Variants in C2CD3 observed in about 807,000 individuals in gnomAD.
The protein encoded by C2CD3 is C2 domain-containing protein 3.
In C2CD3, 148 loss-of-function variants were observed where a neutral mutation model predicts 234.0. That is an observed-to-expected ratio of 0.63 (90% CI 0.55 to 0.72). The LOEUF is 0.72. Among genes scored for constraint, C2CD3 ranks in the 30% least tolerant of loss-of-function variants. The pLI, the probability that C2CD3 is intolerant of heterozygous loss-of-function variation, is 0.00. For synonymous variants in C2CD3, 1,000 were observed against 1,035.4 expected, an observed-to-expected ratio of 0.97 and a Z score of 0.66; for missense variants, 2,577 against 2,811.5, an observed-to-expected ratio of 0.92 and a Z score of 1.89.
At chr11:74,040,692 G>A (rs1010132226) in intron 29 of C2CD3, among the ~76,000 whole-genome samples, 2 of 152,006 alleles carry the variant, frequency 1.3e-5, no homozygotes, top group African/African-American at 4.8e-5. Flanking sequence ...GGAGGCAGAG[G>A]CTGCAGTGAG....
At position 74,107,322 on chromosome 11, in the gene C2CD3, T is replaced by TCACACACA. The variant is rs142285119; in HGVS notation, c.1963-837_1963-830dup. 3.1e-3 allele frequency among the ~76,000 whole-genome samples: 457 copies of TCACACACA among 146,620 alleles called. 3 individuals are homozygous for TCACACACA. The highest frequency in any genetic ancestry group is 0.025 in the Middle Eastern group (7 of 282). ...CCTGGGCAACAAGAATGAAACTGTGTCACACACACACACACACACACACAC... is the reference window on the plus strand; with the variant it reads ...CCTGGGCAACAAGAATGAAACTGTGTCACACACACACACACACACACACACACACACAC... On this transcript the variant is annotated intron_variant, in intron 12 of 32. Transcript: ENST00000334126.
rs878861935 is a variant in C2CD3, at chr11:74,109,225, C to A, written c.1844-73G>T. On this transcript the variant is annotated intron_variant, in intron 11 of 32. Transcript: ENST00000334126. ...GTCATCATCAATTCATGCCTTGATA[C>A]CACCTGCCTCCCTTTCAAATTTAAT... is the stretch of plus-strand genomic sequence containing the variant. 4.2e-5 allele frequency: 30 copies of A among 714,054 alleles called. 1 individual carries two copies. The South Asian group carries it at 5.6e-4, about 13-fold the overall frequency. 44.2% of individuals were successfully genotyped at this position (714,054 alleles called of 1,614,324 possible). A position where few individuals can be genotyped will look rare whatever the true frequency, so the allele number is the denominator to read the frequency against.
chr11:74,074,786 T>C (rs1313531337), intron 23 of C2CD3, among the ~76,000 whole-genome samples, 186 bp from the exon 24 acceptor site: 2 of 152,184 alleles, frequency 1.3e-5, no homozygotes, highest in Non-Finnish European at 2.9e-5. Context: ...GCCCTAACTA[T>C]CTTCAATAAT....
chr11:74,048,104 C>A, intron 28 of C2CD3, 101 bp downstream of exon 28: 1 of 1,281,336 alleles, frequency 7.8e-7, no homozygotes, highest in Non-Finnish European at 1.1e-6. Context: ...CTTACCCTGT[C>A]TTGTTTTTTC....
At position 74,121,143 on chromosome 11, in the gene C2CD3, G is replaced by A. The variant is rs564310350; in HGVS notation, c.1365+1845C>T. Among the ~76,000 whole-genome samples, 7 of 152,270 alleles carry A rather than the reference G, an allele frequency of 4.6e-5. No homozygotes were observed. In the East Asian group the frequency reaches 1.3e-3, roughly 29 times the overall value. ...GTCAGATTCTAACACCATGCTCAAG[G>A]CTGATGACACACTGTGGTCTAGTAG... On this transcript the variant is annotated intron_variant, in intron 8 of 32. Transcript: ENST00000334126.
chr11:74,132,013 C>T (rs1957695198), intron 7 of C2CD3, among the ~76,000 whole-genome samples: 1 of 152,162 alleles, frequency 6.6e-6, no homozygotes, highest in Non-Finnish European at 1.5e-5. Context: ...TTGGAGGGCA[C>T]ATGTTATTCA....
chr11:74,078,831 A>T, intron 22 of C2CD3, 114 bp from the exon 23 acceptor site: 1 of 947,336 alleles, frequency 1.1e-6, no homozygotes. Context: ...AGAACAGAAA[A>T]CATACCCACA....
intron 24 of C2CD3, chr11:74,070,823 C>T (rs1954757572): frequency 6.6e-6 from 1 of 151,910 alleles, no homozygotes; most frequent in African/African-American, 2.4e-5. Flanking sequence ...TTTTTTTGGC[C>T]AATGTCCCAT....
chr11:74,144,106 C>T (rs1854995703), intron 3 of C2CD3, among the ~76,000 whole-genome samples: 1 of 151,936 alleles, frequency 6.6e-6, no homozygotes, highest in African/African-American at 2.4e-5. Flanking sequence ...TATTTGTGTT[C>T]ATGAAAGAGA....
At chr11:74,106,575 G>T in intron 12 of C2CD3, 82 bp from the exon 13 acceptor site, 1 of 1,271,160 alleles carries the variant, frequency 7.9e-7, no homozygotes, top group Non-Finnish European at 1.1e-6. Flanking sequence ...ACATATGATG[G>T]CTTATAAAGG....
intron 32 of C2CD3, among the ~76,000 whole-genome samples, chr11:74,017,744 G>T (rs1039051367): frequency 1.3e-5 from 2 of 152,176 alleles, no homozygotes; most frequent in East Asian, 1.9e-4. Context: ...CCCGGCCCTT[G>T]GCTCCTTCTC....
chr11:74,084,712 AAAAAAAAGTTTC>A (rs1468477989), intron 22 of C2CD3, among the ~76,000 whole-genome samples, 157 bp downstream of exon 22: 5 of 152,212 alleles, frequency 3.3e-5, no homozygotes, highest in Non-Finnish European at 5.9e-5. Flanking sequence ...TAAACTAAAA[AAAAAAAAGTTTC>A]AAAAAACATT....
Position 74,013,526 on chromosome 11 carries a change from C to T in C2CD3, c.6922-1G>A. 3.0e-6 allele frequency: 4 copies of T among 1,337,036 alleles called. No individual in the cohort carries two copies. The highest frequency in any genetic ancestry group is 2.9e-6 in the Non-Finnish European group (3 of 1,045,320). The allele number at this position is 1,337,036 out of a possible 1,614,324, so 82.8% of individuals were successfully genotyped here. On this transcript the variant is annotated splice_acceptor_variant, in intron 32 of 32. Coordinates refer to ENST00000334126, the MANE Select transcript of C2CD3 (RefSeq NM_001286577.2). LOFTEE classifies it high-confidence loss of function. ...CTCCCCTGGTGGCTTCGCTCTTGTC[C>T]TGGAGAGGAAGAAGTCAGCTAGGTT...
rs1421034092 is a variant in C2CD3 at position 74,157,368 on chromosome 11, A to C, written c.483+4031T>G. ...CATGTGGCTTTTGAAACATAATGCC[A>C]AACTGTCTGGCAGTGCTGATGCAAA... On this transcript the variant is annotated intron_variant, in intron 3 of 32. Coordinates refer to ENST00000334126, the MANE Select transcript of C2CD3 (RefSeq NM_001286577.2). Among the ~76,000 whole-genome samples, 5 of 152,216 alleles carry C rather than the reference A, an allele frequency of 3.3e-5. No individual in the cohort carries two copies. In the East Asian group the frequency reaches 9.6e-4, roughly 29 times the overall value.
chr11:74,106,273 A>G (rs1590817203), intron 13 of C2CD3, 98 bp downstream of exon 13: 1 of 1,185,112 alleles, frequency 8.4e-7, no homozygotes, highest in East Asian at 2.4e-5. Context: ...CACAAGATCA[A>G]AGACCTTGCT....
In C2CD3 at chr11:74,118,492, T is replaced by C. The variant is rs1957100825; in HGVS notation, c.1366-110A>G. The C allele has an allele frequency of 1.2e-5, 8 of 681,602 alleles. No homozygotes were observed. The South Asian group carries it at 1.9e-4, about 16-fold the overall frequency. The allele number at this position is 681,602 out of a possible 1,614,324, so 42.2% of individuals were successfully genotyped here. A position where few individuals can be genotyped will look rare whatever the true frequency, so the allele number is the denominator to read the frequency against. ...TCTTCTCTGTACATACATCATTCTC[T>C]TAAAGAAAGAACTGACACCAGGGAG... On this transcript the variant is annotated intron_variant, in intron 8 of 32. Transcript: ENST00000334126.
At chr11:74,026,866 G>T (rs1311659459) in intron 32 of C2CD3, among the ~76,000 whole-genome samples, 4 of 151,270 alleles carry the variant, frequency 2.6e-5, no homozygotes, top group Admixed American at 2.6e-4. Flanking sequence ...AGCTACTTGG[G>T]AGGCTGAGGC....
At chr11:74,125,556 A>G (rs1957385697) in intron 7 of C2CD3, among the ~76,000 whole-genome samples, 1 of 151,798 alleles carries the variant, frequency 6.6e-6, no homozygotes, top group African/African-American at 2.4e-5. Context: ...TGAAGGACCC[A>G]CTCTCTTATA....
At chr11:74,125,621 A>G (rs1483753260) in intron 7 of C2CD3, among the ~76,000 whole-genome samples, 2 of 152,176 alleles carry the variant, frequency 1.3e-5, no homozygotes, top group African/African-American at 4.8e-5. Context: ...ATTTAGTTAT[A>G]TTACAAATTT....
Sources: allele counts gnomAD v4.1 joint callset (sites outside exome capture counted in the v4.1 genomes callset), GRCh38; gene constraint gnomAD v4.1.1; transcripts MANE v1.5; gene names NCBI Gene and HGNC (gene_info 2026-07-23, HGNC 2026-07-21).